SLC9A9: variants seen among roughly 807,000 people sequenced by gnomAD.
SLC9A9 encodes sodium/hydrogen exchanger 9.
In SLC9A9, 62 loss-of-function variants were observed where a neutral mutation model predicts 77.8. The ratio of observed to expected loss-of-function variants is 0.80; its 90% CI spans 0.65 to 0.98. The LOEUF (loss-of-function observed/expected upper bound fraction) is 0.98, where lower values mean the gene tolerates loss of function less well. SLC9A9 is among the 50% of genes least tolerant of loss of function. SLC9A9 has a pLI of 0.00. For synonymous variants in SLC9A9, 320 were observed against 283.5 expected (o/e 1.13, Z -1.29); for missense variants, 775 against 774.9 (o/e 1.00, Z 0.00).
At position 143,597,162 on chromosome 3, in the gene SLC9A9, G is replaced by T. The variant is rs112025925; in HGVS notation, c.756-18439C>A. On this transcript the variant is annotated intron_variant, in intron 6 of 15. Transcript: ENST00000316549. Reference sequence around the variant, plus strand: ...GCGAGTATGAGTCAGCAAGTTTGGTGCGCAGGCACACACCTCCACTTATTA... The same window carrying T: ...GCGAGTATGAGTCAGCAAGTTTGGTTCGCAGGCACACACCTCCACTTATTA... 6.7e-3 allele frequency among the ~76,000 whole-genome samples: 1,013 copies of T among 152,308 alleles called. 16 individuals carry two copies. The highest frequency in any genetic ancestry group is 0.023 in the African/African-American group (964 of 41,552).
At chr3:143,387,194 C>T (rs1192487367) in intron 12 of SLC9A9, among the ~76,000 whole-genome samples, 1 of 150,782 alleles carries the variant, frequency 6.6e-6, no homozygotes, top group Non-Finnish European at 1.5e-5. Context: ...AATAAGGCAA[C>T]AAAGAAGGAA....
intron 14 of SLC9A9, among the ~76,000 whole-genome samples, chr3:143,271,300 C>T (rs965579299): frequency 6.6e-6 from 1 of 152,158 alleles, no homozygotes; most frequent in Non-Finnish European, 1.5e-5. Context: ...TCACTTGGCT[C>T]CCTCTGTGCA....
chr3:143,434,095 TATA>T (rs1443584506), intron 12 of SLC9A9, among the ~76,000 whole-genome samples: 2 of 152,158 alleles, frequency 1.3e-5, no homozygotes, highest in South Asian at 4.1e-4. Context: ...AGTAGCACTG[TATA>T]ATAATACCCC....
intron 4 of SLC9A9, among the ~76,000 whole-genome samples, chr3:143,699,824 G>A (rs1289943905): frequency 6.6e-6 from 1 of 152,062 alleles, no homozygotes; most frequent in Non-Finnish European, 1.5e-5. Flanking sequence ...TGGACTGGGG[G>A]CATGAGACCT....
intron 4 of SLC9A9, among the ~76,000 whole-genome samples, chr3:143,756,262 A>C (rs2006921066): frequency 6.6e-6 from 1 of 152,212 alleles, no homozygotes; most frequent in African/African-American, 2.4e-5. Flanking sequence ...TTCAGAAAAG[A>C]AAAGCTGATC....
intron 12 of SLC9A9, among the ~76,000 whole-genome samples, chr3:143,463,643 C>T (rs1354988963): frequency 6.6e-6 from 1 of 152,176 alleles, no homozygotes; most frequent in Admixed American, 6.5e-5. Flanking sequence ...CTTTATTTTA[C>T]ATGAAAACCT....
At chr3:143,560,438 T>G (rs2037062721) in intron 8 of SLC9A9, among the ~76,000 whole-genome samples, 1 of 152,228 alleles carries the variant, frequency 6.6e-6, no homozygotes, top group Non-Finnish European at 1.5e-5. Flanking sequence ...CCCTTTTTTT[T>G]GGCTTATAAA....
intron 12 of SLC9A9, among the ~76,000 whole-genome samples, chr3:143,398,141 A>G (rs886825518): frequency 1.3e-5 from 2 of 152,112 alleles, no homozygotes; most frequent in East Asian, 1.9e-4. Context: ...TTGACTATTC[A>G]TAGGGAAAGA....
intron 6 of SLC9A9, among the ~76,000 whole-genome samples, chr3:143,592,328 G>A (rs4839646): frequency 0.22 from 33,075 of 152,048 alleles, 3,606 homozygotes; most frequent in Middle Eastern, 0.32. Context: ...GATGTTCAAG[G>A]CTGCAGTGAG....
At chr3:143,281,555 C>T (rs905216020) in intron 14 of SLC9A9, among the ~76,000 whole-genome samples, 2 of 152,234 alleles carry the variant, frequency 1.3e-5, no homozygotes, top group South Asian at 2.1e-4. Flanking sequence ...GGTCCCAACT[C>T]TTTGGGATGA....
chr3:143,687,800 A>C (rs1933320387), intron 5 of SLC9A9, among the ~76,000 whole-genome samples: 1 of 152,092 alleles, frequency 6.6e-6, no homozygotes. Flanking sequence ...AATAATGTAT[A>C]AAATCGAAGT....
intron 5 of SLC9A9, among the ~76,000 whole-genome samples, chr3:143,671,323 A>G (rs1273977358): frequency 6.6e-6 from 1 of 152,134 alleles, no homozygotes; most frequent in African/African-American, 2.4e-5. Context: ...TTTTTCAGAT[A>G]GATGTTAGTG....
At chr3:143,653,425 G>A (rs2038833101) in intron 5 of SLC9A9, among the ~76,000 whole-genome samples, 1 of 152,166 alleles carries the variant, frequency 6.6e-6, no homozygotes, top group African/African-American at 2.4e-5. Flanking sequence ...GGTTGAAAAT[G>A]ATATTGATGG....
chr3:143,661,925 T>TGC (rs58863392), intron 5 of SLC9A9, among the ~76,000 whole-genome samples: 1 of 152,046 alleles, frequency 6.6e-6, no homozygotes, highest in African/African-American at 2.4e-5. Flanking sequence ...ACCTGCTGTG[T>TGC]ATGTCTTACA....
rs144681613 is a variant in SLC9A9 at position 143,265,775 on chromosome 3, C to G, written c.*927G>C. On this transcript the variant is annotated 3_prime_UTR_variant, in exon 16 of 16. Coordinates refer to ENST00000316549, the MANE Select transcript of SLC9A9 (RefSeq NM_173653.4). ...CTGTTCCTCTCGCCCTGCTCCTGCA[C>G]TGCTCATCAGCTGTGAATGCTGGAA... is the stretch of plus-strand genomic sequence containing the variant. 6.5e-3 allele frequency: 3,575 copies of G among 547,562 alleles called. 19 individuals carry two copies. The highest frequency in any genetic ancestry group is 0.017 in the Middle Eastern group (36 of 2,158). The allele number at this position is 547,562 out of a possible 1,614,324, so 33.9% of individuals were successfully genotyped here.
At chr3:143,366,071 C>T (rs2032891452) in intron 13 of SLC9A9, among the ~76,000 whole-genome samples, 1 of 152,104 alleles carries the variant, frequency 6.6e-6, no homozygotes, top group Admixed American at 6.5e-5. Context: ...GAGCAAATTC[C>T]CAATTTTTGT....
intron 12 of SLC9A9, among the ~76,000 whole-genome samples, chr3:143,397,633 C>T (rs1490399988): frequency 6.6e-6 from 1 of 152,160 alleles, no homozygotes; most frequent in Non-Finnish European, 1.5e-5. Flanking sequence ...CTACGAGGAA[C>T]TCTAGGCAGA....
chr3:143,649,846 G>C (rs2038768217), intron 6 of SLC9A9, among the ~76,000 whole-genome samples: 1 of 152,160 alleles, frequency 6.6e-6, no homozygotes, highest in Non-Finnish European at 1.5e-5. Context: ...CTCTATCACT[G>C]TTCTTAAACT....
intron 13 of SLC9A9, among the ~76,000 whole-genome samples, chr3:143,377,043 G>A (rs1386699194): frequency 1.3e-5 from 2 of 152,132 alleles, no homozygotes; most frequent in African/African-American, 4.8e-5. Context: ...GGTATGTTAA[G>A]ATTCATTATT....
Sources: gnomAD v4.1 joint callset for allele counts (sites outside exome capture counted in the v4.1 genomes callset) on GRCh38, gnomAD v4.1.1 for gene constraint, MANE v1.5 for transcripts, NCBI Gene and HGNC (gene_info 2026-07-23, HGNC 2026-07-21) for gene names.